The following RIGI variants were observed in gnomAD, a reference collection of about 807,000 sequenced individuals.
The protein encoded by RIGI is antiviral innate immune response receptor RIG-I.
the RIGI span, among the ~76,000 whole-genome samples, chr9:32,464,767 C>A: frequency 6.6e-6 from 1 of 152,190 alleles, no homozygotes; most frequent in East Asian, 1.9e-4. Flanking sequence ...CAACACAACT[C>A]AGGCTTCCCA....
chr9:32,516,166 C>A, the RIGI span, among the ~76,000 whole-genome samples: 1 of 152,178 alleles, frequency 6.6e-6, no homozygotes, highest in Non-Finnish European at 1.5e-5. Flanking sequence ...CACATCCAGA[C>A]AATGAGGCCA....
chr9:32,462,424 T>TTTTC, the RIGI span, among the ~76,000 whole-genome samples: 3 of 148,816 alleles, frequency 2.0e-5, no homozygotes, highest in Admixed American at 1.3e-4. Context: ...TTTTTTTTTT[T>TTTTC]TTGAGACAGA....
chr9:32,455,486 A>C, the RIGI span, among the ~76,000 whole-genome samples: 1 of 152,302 alleles, frequency 6.6e-6, no homozygotes, highest in Non-Finnish European at 1.5e-5. Context: ...CATGAGAACT[A>C]ACTCACTATC....
chr9:32,479,415 C>A, the RIGI span, among the ~76,000 whole-genome samples: 1 of 152,078 alleles, frequency 6.6e-6, no homozygotes, highest in Non-Finnish European at 1.5e-5. Context: ...AAATTATTAG[C>A]ACTAATTACC....
chr9:32,480,457 T>G, the RIGI span: 2 of 1,210,466 alleles, frequency 1.7e-6, no homozygotes, highest in Admixed American at 2.8e-5. Flanking sequence ...AAGAAAACTT[T>G]TCTTTTCAAA....
the RIGI span, chr9:32,455,994 T>TA: frequency 6.6e-6 from 1 of 152,238 alleles, no homozygotes; most frequent in African/African-American, 2.4e-5. Context: ...GGAACTCAGA[T>TA]ACTTGTTTCC....
At chr9:32,487,159 C>T in the RIGI span, among the ~76,000 whole-genome samples, 1 of 152,136 alleles carries the variant, frequency 6.6e-6, no homozygotes, top group Non-Finnish European at 1.5e-5. Flanking sequence ...CTGAGTGAGC[C>T]CAGCTCTTGG....
the RIGI span, chr9:32,485,613 T>C: frequency 2.4e-6 from 1 of 409,076 alleles, no homozygotes; most frequent in Non-Finnish European, 4.7e-6. Context: ...CGATCTCGGC[T>C]CACTGCAACC....
At chr9:32,469,597 C>T in the RIGI span, among the ~76,000 whole-genome samples, 1 of 152,190 alleles carries the variant, frequency 6.6e-6, no homozygotes, top group Non-Finnish European at 1.5e-5. Flanking sequence ...AGCCACACCC[C>T]CTTCTACTTA....
chr9:32,486,802 C>G, the RIGI span, among the ~76,000 whole-genome samples: 1 of 152,110 alleles, frequency 6.6e-6, no homozygotes, highest in African/African-American at 2.4e-5. Context: ...ATATGTGACA[C>G]TGAAAAGTTG....
chr9:32,499,605 A>C, the RIGI span, among the ~76,000 whole-genome samples: 1 of 151,986 alleles, frequency 6.6e-6, no homozygotes, highest in South Asian at 2.1e-4. Flanking sequence ...ACAGGTGCCC[A>C]CCACCACGCC....
At chr9:32,458,943 G>C in the RIGI span, among the ~76,000 whole-genome samples, 9 of 147,662 alleles carry the variant, frequency 6.1e-5, no homozygotes, top group African/African-American at 2.2e-4. Context: ...AGGCTGGAGC[G>C]CAGTGGCGCG....
chr9:32,487,635 T>G, the RIGI span: 1 of 1,612,030 alleles, frequency 6.2e-7, no homozygotes, highest in Non-Finnish European at 8.5e-7. Context: ...CCCAATGACC[T>G]GTAAGGAGCA....
chr9:32,505,757 G>T, the RIGI span, among the ~76,000 whole-genome samples: 1 of 152,062 alleles, frequency 6.6e-6, no homozygotes, highest in African/African-American at 2.4e-5. Context: ...ACTTTTAGTG[G>T]CTGCATAGTT....
chr9:32,493,407 C>T, the RIGI span, among the ~76,000 whole-genome samples: 1 of 152,066 alleles, frequency 6.6e-6, no homozygotes, highest in African/African-American at 2.4e-5. Flanking sequence ...GGGTGGATCA[C>T]GAGGTCAGGA....
At chr9:32,480,215 T>A in the RIGI span, 21 of 1,592,218 alleles carry the variant, frequency 1.3e-5, no homozygotes, top group South Asian at 2.2e-4. Context: ...AAAACACCAC[T>A]CACCTTCAAA....
the RIGI span, chr9:32,491,354 T>C: frequency 6.2e-7 from 1 of 1,613,406 alleles, no homozygotes; most frequent in Non-Finnish European, 8.5e-7. Context: ...ATCTTCTTGG[T>C]AGAAAATCTG....
At chr9:32,502,182 G>C in the RIGI span, among the ~76,000 whole-genome samples, 1 of 152,128 alleles carries the variant, frequency 6.6e-6, no homozygotes, top group South Asian at 2.1e-4. Context: ...GTTGTAGCAC[G>C]TTATTATTCA....
chr9:32,477,057 T>G, the RIGI span: 1 of 1,614,154 alleles, frequency 6.2e-7, no homozygotes, highest in Non-Finnish European at 8.5e-7. Flanking sequence ...TCTTGTAAGA[T>G]GAAGCAGAGG....
Sources: gnomAD v4.1 joint callset for allele counts (sites outside exome capture counted in the v4.1 genomes callset) on GRCh38, gnomAD v4.1.1 for gene constraint, MANE v1.5 for transcripts, NCBI Gene and HGNC (gene_info 2026-07-23, HGNC 2026-07-21) for gene names.